GRIK3: variants seen among roughly 807,000 people sequenced by gnomAD.
The protein encoded by GRIK3 is glutamate ionotropic receptor kainate type subunit 3.
Under a neutral mutation model 102.5 loss-of-function variants are expected in GRIK3, and 29 were observed. The observed-to-expected ratio is 0.28, with a 90% CI of 0.21 to 0.39. GRIK3 has a LOEUF of 0.39. GRIK3 is among the 10% of genes least tolerant of loss of function. The pLI is 1.00. For missense variants in GRIK3, 908 were observed against 1,252.4 expected (o/e 0.73, Z 4.15); for synonymous variants, 511 against 504.9 (o/e 1.01, Z -0.16).
intron 1 of GRIK3, among the ~76,000 whole-genome samples, chr1:36,980,277 C>T (rs1258811711): frequency 5.9e-5 from 9 of 152,196 alleles, no homozygotes; most frequent in Non-Finnish European, 1.3e-4. Context: ...GTCTACAGAG[C>T]GCCGTGTGAT....
At chr1:37,002,309 C>G (rs1642486333) in intron 1 of GRIK3, among the ~76,000 whole-genome samples, 1 of 152,162 alleles carries the variant, frequency 6.6e-6, no homozygotes, top group African/African-American at 2.4e-5. Flanking sequence ...GATGGCTGCT[C>G]TAAATTAAAT....
intron 10 of GRIK3, among the ~76,000 whole-genome samples, chr1:36,832,085 CT>C (rs1640308058): frequency 0.018 from 10 of 544 alleles, no homozygotes; most frequent in Non-Finnish European, 0.027. Context: ...GGCGACTGCT[CT>C]ACTGCTCTCA....
chr1:36,959,838 GTCTGTGTGC>G (rs1460181206), intron 1 of GRIK3, among the ~76,000 whole-genome samples: 1 of 110,290 alleles, frequency 9.1e-6, no homozygotes, highest in African/African-American at 3.3e-5. Flanking sequence ...TGCCCTGTGA[GTCTGTGTGC>G]CCTGTGAGCC....
chr1:36,805,169 T>G lies in GRIK3; in HGVS notation c.2383A>C (p.Met795Leu), dbSNP rs989970604. The G allele has an allele frequency of 5.4e-5, 87 of 1,614,058 alleles. No homozygotes were observed. Among genetic ancestry groups the G allele is most frequent in the Non-Finnish European group, 6.9e-5 (81 of 1,180,022 alleles). The stretch of plus-strand genomic sequence containing the variant: ...CTGCCCCGCCACCACTTCTCCTTCA[T>G]GATATGCAGCTTGTCCTCCTCCTGA... ...QLQEEDKLHIMKEKWWRGSGC... is the reference protein window; with the variant it reads ...QLQEEDKLHILKEKWWRGSGC... Residue 795 changes from methionine to leucine, a missense_variant, in exon 15 of 16, where the codon ATG becomes CTG. Physicochemically the swap from Met to Leu is conservative, Grantham distance 15. Transcript: ENST00000373091.
At chr1:37,017,369 TAAA>T (rs774819790) in intron 1 of GRIK3, among the ~76,000 whole-genome samples, 2 of 48,524 alleles carry the variant, frequency 4.1e-5, no homozygotes, top group Admixed American at 2.7e-4. Flanking sequence ...CCCTGTCTCT[TAAA>T]AAAAAAAAAA....
chr1:37,033,320 G>A (rs1642848802), intron 1 of GRIK3, among the ~76,000 whole-genome samples: 1 of 152,218 alleles, frequency 6.6e-6, no homozygotes. Context: ...GCCGCACTGG[G>A]CGGCCTCCAT....
chr1:36,821,473 C>A (rs992092195), intron 11 of GRIK3, among the ~76,000 whole-genome samples: 1 of 152,130 alleles, frequency 6.6e-6, no homozygotes, highest in African/African-American at 2.4e-5. Flanking sequence ...TGTAACTGAG[C>A]GGATGGACCT....
intron 10 of GRIK3, among the ~76,000 whole-genome samples, chr1:36,829,117 C>T (rs1333137293): frequency 6.6e-6 from 1 of 152,216 alleles, no homozygotes; most frequent in Non-Finnish European, 1.5e-5. Flanking sequence ...GAGTTCTCCA[C>T]TGCGTTTCTG....
Position 37,030,530 on chromosome 1 carries a change from T to TC in GRIK3, c.115+3463dup, listed in dbSNP as rs1491125931. On this transcript the variant is annotated intron_variant, in intron 1 of 15. Transcript: ENST00000373091. Reference sequence around the variant, plus strand: ...CCAGAGCTGGGCCAACCCTTCCTTTTCCCCACCCCCCACCCCCTCCCCCCC... The same window carrying TC: ...CCAGAGCTGGGCCAACCCTTCCTTTTCCCCCACCCCCCACCCCCTCCCCCCC... Among the ~76,000 whole-genome samples the TC allele has an allele frequency of 1.1e-3, 101 of 89,958 alleles. 1 individual carries two copies. The highest frequency in any genetic ancestry group is 1.4e-3 in the Non-Finnish European group (60 of 43,808). The allele number at this position is 89,958 out of a possible 152,430, so 59.0% of individuals were successfully genotyped here. A position where few individuals can be genotyped will look rare whatever the true frequency, so the allele number is the denominator to read the frequency against.
chr1:36,961,235 C>T (rs1027339489), intron 1 of GRIK3, among the ~76,000 whole-genome samples: 1 of 152,236 alleles, frequency 6.6e-6, no homozygotes, highest in African/African-American at 2.4e-5. Flanking sequence ...AAGCACCCAC[C>T]ATCCCTCCCT....
At chr1:36,853,986 G>A (rs569968303) in intron 7 of GRIK3, among the ~76,000 whole-genome samples, 2 of 152,284 alleles carry the variant, frequency 1.3e-5, no homozygotes, top group Middle Eastern at 3.4e-3. Flanking sequence ...ATGAGCCCCC[G>A]CCCTGAAGTC....
At chr1:36,853,813 T>C (rs1640616124) in intron 7 of GRIK3, 91 bp from the exon 8 acceptor site, 5 of 758,914 alleles carry the variant, frequency 6.6e-6, no homozygotes, top group Non-Finnish European at 1.2e-5. Context: ...AATTACTCCT[T>C]GCACTGATAC....
At chr1:36,836,776 A>T (rs1434561032) in intron 10 of GRIK3, among the ~76,000 whole-genome samples, 2 of 152,174 alleles carry the variant, frequency 1.3e-5, no homozygotes, top group African/African-American at 4.8e-5. Flanking sequence ...GATTTTATGC[A>T]TCCCCGTTAG....
chr1:36,984,863 G>C (rs1415290744), intron 1 of GRIK3, among the ~76,000 whole-genome samples: 2 of 152,186 alleles, frequency 1.3e-5, no homozygotes. Context: ...CAGGCCTCAG[G>C]GGTGTCTCAG....
At chr1:37,030,374 C>G (rs1212260119) in intron 1 of GRIK3, among the ~76,000 whole-genome samples, 1 of 152,090 alleles carries the variant, frequency 6.6e-6, no homozygotes, top group Non-Finnish European at 1.5e-5. Flanking sequence ...CAGATGAGGC[C>G]GGTTTGGGAA....
At chr1:36,811,504 CAACAATA>C (rs1460455311) in intron 13 of GRIK3, among the ~76,000 whole-genome samples, 1 of 152,154 alleles carries the variant, frequency 6.6e-6, no homozygotes, top group Non-Finnish European at 1.5e-5. Flanking sequence ...CACCAGTTTG[CAACAATA>C]AACAATAAAA....
At chr1:36,882,052 C>T (rs547675900) in intron 2 of GRIK3, among the ~76,000 whole-genome samples, 5 of 152,228 alleles carry the variant, frequency 3.3e-5, no homozygotes, top group South Asian at 2.1e-4. Context: ...AGGCCTTCAC[C>T]GCACAATTTA....
At chr1:37,014,927 GT>G (rs1165906281) in intron 1 of GRIK3, among the ~76,000 whole-genome samples, 3 of 120,196 alleles carry the variant, frequency 2.5e-5, no homozygotes, top group Admixed American at 2.4e-4. Context: ...CTCTCTCTCT[GT>G]TTTTGTCTCT....
intron 13 of GRIK3, among the ~76,000 whole-genome samples, chr1:36,814,457 A>C (rs1180326125): frequency 2.0e-5 from 3 of 148,738 alleles, no homozygotes; most frequent in Non-Finnish European, 4.4e-5. Context: ...ATACACACAC[A>C]CACCCAGAGA....
Sources: gnomAD v4.1 joint callset for allele counts (sites outside exome capture counted in the v4.1 genomes callset) on GRCh38, gnomAD v4.1.1 for gene constraint, MANE v1.5 for transcripts, NCBI Gene and HGNC (gene_info 2026-07-23, HGNC 2026-07-21) for gene names.